Variants in TRNT1 observed in about 807,000 individuals in gnomAD.
TRNT1 encodes CCA tRNA nucleotidyltransferase 1, mitochondrial.
Under a neutral mutation model 45.6 loss-of-function variants are expected in TRNT1, and 44 were observed. That is an observed-to-expected ratio of 0.97 (90% CI 0.76 to 1.24). The LOEUF (loss-of-function observed/expected upper bound fraction) is 1.24. TRNT1 is among the 50% of genes most tolerant of loss of function. TRNT1 has a pLI of 0.00. For synonymous variants in TRNT1, 201 were observed against 171.4 expected (o/e 1.17, Z -1.35); for missense variants, 633 against 504.4 (o/e 1.25, Z -2.44).
chr3:3,140,417 T>TC (rs1321547305), intron 3 of TRNT1, 93 bp from the exon 4 acceptor site: 11 of 1,264,570 alleles, frequency 8.7e-6, no homozygotes, highest in Non-Finnish European at 1.2e-5. Flanking sequence ...TATAGTACCA[T>TC]CCCTTTATAA....
intron 3 of TRNT1, 54 bp from the exon 4 acceptor site, chr3:3,140,456 T>G (rs1705574833): frequency 1.9e-6 from 3 of 1,579,106 alleles, no homozygotes; most frequent in Non-Finnish European, 2.6e-6. Flanking sequence ...TTCAATTCAG[T>G]AGTATGAAAA....
intron 2 of TRNT1, chr3:3,130,146 A>G: frequency 1.6e-6 from 1 of 611,164 alleles, no homozygotes. Context: ...TTTTAATAGC[A>G]CCTTCATAAA....
chr3:3,127,814 A>C (rs1360892949), intron 1 of TRNT1: 1 of 152,156 alleles, frequency 6.6e-6, no homozygotes, highest in South Asian at 2.1e-4. Flanking sequence ...TCACAGTACC[A>C]TGTGGCATGC....
chr3:3,129,051 G>A lies in TRNT1; in HGVS notation c.11G>A (p.Cys4Tyr). The change falls in exon 2 of 8, where the codon TGC becomes TAC. Residue 4 changes from cysteine to tyrosine, a missense_variant. By Grantham distance (194) the Cys-to-Tyr change is radical. Transcript: ENST00000251607. The part of the protein sequence containing the change: MLR[C>Y]LYHWHRPVLN... ...TGACTGCCTCTCCAGATGCTGAGGT[G>A]CCTGTATCATTGGCACAGGCCAGTG... 1.2e-6 allele frequency: 2 copies of A among 1,610,952 alleles called. No individual in the cohort carries two copies. Among genetic ancestry groups the A allele is most frequent in the South Asian group, 1.1e-5 (1 of 90,776 alleles).
At chr3:3,143,776 A>G (rs1157711468) in intron 4 of TRNT1, among the ~76,000 whole-genome samples, 1 of 152,200 alleles carries the variant, frequency 6.6e-6, no homozygotes, top group South Asian at 2.1e-4. Context: ...AAGCAGGAGA[A>G]TCACCTGAAC....
rs1170966722 is a variant in TRNT1 at position 3,144,617 on chromosome 3, G to A, written c.515G>A (p.Gly172Asp). 1.3e-6 allele frequency: 2 copies of A among 1,586,230 alleles called. No homozygotes were observed. Among genetic ancestry groups the A allele is most frequent in the South Asian group, 2.2e-5 (2 of 89,136 alleles). Residue 172 changes from glycine (G) to aspartate (D), a missense_variant, in exon 5 of 8, where the codon GGT becomes GAT. Physicochemically the swap from Gly to Asp is moderately conservative, Grantham distance 94 (BLOSUM62 -1). Transcript: ENST00000251607. ...FDGTLFDYFN[G>D]YEDLKNKKVR... ...GGCACTTTATTTGACTACTTTAATGGTTATGAAGATTTAAAAAATAAGAAA... is the reference window on the plus strand; with the variant it reads ...GGCACTTTATTTGACTACTTTAATGATTATGAAGATTTAAAAAATAAGAAA...
At chr3:3,143,430 G>A (rs889125784) in intron 4 of TRNT1, among the ~76,000 whole-genome samples, 3 of 152,182 alleles carry the variant, frequency 2.0e-5, no homozygotes, top group Non-Finnish European at 4.4e-5. Context: ...ATGGCTAATA[G>A]ATTAACATGG....
At chr3:3,136,378 A>G (rs1705326275) in intron 2 of TRNT1, among the ~76,000 whole-genome samples, 1 of 152,194 alleles carries the variant, frequency 6.6e-6, no homozygotes, top group Non-Finnish European at 1.5e-5. Flanking sequence ...GGAGTCAGCT[A>G]TGTAGTTGCT....
chr3:3,147,776 G>A (rs1706148224), intron 7 of TRNT1, 73 bp downstream of exon 7: 1 of 1,527,286 alleles, frequency 6.5e-7, no homozygotes, highest in African/African-American at 1.4e-5. Flanking sequence ...TTAAAACTAA[G>A]ATCTACAAAT....
At chr3:3,139,215 C>G (rs558815852) in intron 3 of TRNT1, among the ~76,000 whole-genome samples, 7 of 152,272 alleles carry the variant, frequency 4.6e-5, no homozygotes, top group Middle Eastern at 3.4e-3. Context: ...TTAAGGGAGT[C>G]ATTCTAGGTG....
intron 4 of TRNT1, among the ~76,000 whole-genome samples, chr3:3,142,323 C>T (rs1359570291): frequency 1.3e-5 from 2 of 152,168 alleles, no homozygotes; most frequent in East Asian, 3.8e-4. Flanking sequence ...AGGCACTGTT[C>T]TGAGCACATT....
intron 6 of TRNT1, among the ~76,000 whole-genome samples, 200 bp from the exon 7 acceptor site, chr3:3,147,250 T>C (rs1015956692): frequency 1.3e-5 from 2 of 152,080 alleles, no homozygotes; most frequent in Non-Finnish European, 2.9e-5. Context: ...AACAAGAACA[T>C]TTTAGAGGTT....
intron 1 of TRNT1, among the ~76,000 whole-genome samples, chr3:3,128,456 G>A (rs1204552501): frequency 6.6e-6 from 1 of 152,004 alleles, no homozygotes; most frequent in African/African-American, 2.4e-5. Context: ...AAAATTAGCC[G>A]GATGTGGTGG....
chr3:3,152,517 A>G, downstream of TRNT1: 4 of 1,614,068 alleles, frequency 2.5e-6, no homozygotes, highest in Non-Finnish European at 3.4e-6. Context: ...CAAGCCTTAT[A>G]CACAGTAAGT....
At chr3:3,146,068 A>C (rs1575063844) in intron 5 of TRNT1, among the ~76,000 whole-genome samples, 1 of 150,736 alleles carries the variant, frequency 6.6e-6, no homozygotes, top group Non-Finnish European at 1.5e-5. Context: ...TGCTGCCTTT[A>C]CAAGAATGCT....
downstream of TRNT1, chr3:3,149,168 A>ATATT (rs1175452983): frequency 3.9e-5 from 6 of 152,136 alleles, no homozygotes; most frequent in Non-Finnish European, 2.9e-5. Flanking sequence ...GTAGAGTGTA[A>ATATT]TATTTCTAAG....
intron 5 of TRNT1, chr3:3,145,036 C>T (rs1705905813): frequency 1.2e-5 from 2 of 170,788 alleles, no homozygotes; most frequent in African/African-American, 4.8e-5. Flanking sequence ...TACCACAGGT[C>T]AATCCCTGTG....
At chr3:3,135,208 G>GT (rs1289127586) in intron 2 of TRNT1, among the ~76,000 whole-genome samples, 1 of 152,136 alleles carries the variant, frequency 6.6e-6, no homozygotes, top group Non-Finnish European at 1.5e-5. Context: ...TTGGGGAGGT[G>GT]TTTCAGTGAA....
chr3:3,137,835 A>G (rs552509928), intron 3 of TRNT1, among the ~76,000 whole-genome samples: 26 of 152,322 alleles, frequency 1.7e-4, no homozygotes, highest in East Asian at 1.5e-3. Context: ...GGTTAAGTCA[A>G]TATTCAGGGT....
Sources: allele counts gnomAD v4.1 joint callset (sites outside exome capture counted in the v4.1 genomes callset), GRCh38; gene constraint gnomAD v4.1.1; transcripts MANE v1.5; gene names NCBI Gene and HGNC (gene_info 2026-07-23, HGNC 2026-07-21).